Variants in RASGRF2 observed in about 807,000 individuals in gnomAD.
The protein encoded by RASGRF2 is Ras protein specific guanine nucleotide releasing factor 2.
A neutral mutation model predicts 151.0 loss-of-function variants in RASGRF2; 76 were observed. The ratio of observed to expected loss-of-function variants is 0.50; its 90% CI spans 0.42 to 0.61. The LOEUF is 0.61. Ranked by LOEUF, RASGRF2 falls within the 20% of genes least tolerant of loss-of-function variation. The pLI is 0.00. For missense variants in RASGRF2, 1,148 were observed against 1,564.6 expected (o/e 0.73, Z 4.49); for synonymous variants, 504 against 566.5 (o/e 0.89, Z 1.57).
Position 81,112,681 on chromosome 5 carries a change from C to A in RASGRF2, c.1910C>A (p.Pro637His), listed in dbSNP as rs1753030509. 1.2e-6 allele frequency: 2 copies of A among 1,614,066 alleles called. No homozygotes were observed. Among genetic ancestry groups the A allele is most frequent in the Non-Finnish European group, 8.5e-7 (1 of 1,180,042 alleles). Residue 637 changes from proline to histidine, a missense_variant, in exon 14 of 27, where the codon CCC (proline) becomes CAC (histidine). Physicochemically the swap from Pro to His is moderately conservative, Grantham distance 77 (BLOSUM62 -2). Transcript: ENST00000265080. ...AAAACACTCAACTCCTGCAAAGTGC[C>A]CCAGATCCGTTATGCCAGCGTGGAG... ...FSKTLNSCKV[P>H]QIRYASVERL... is the part of the protein sequence containing the mutation.
chr5:81,180,521 C>G (rs1754890142), intron 18 of RASGRF2, among the ~76,000 whole-genome samples: 1 of 152,072 alleles, frequency 6.6e-6, no homozygotes, highest in African/African-American at 2.4e-5. Flanking sequence ...GCTCCTCTGT[C>G]CCTGCAGCTT....
intron 24 of RASGRF2, 137 bp from the exon 25 acceptor site, chr5:81,217,219 T>C: frequency 7.7e-7 from 1 of 1,296,922 alleles, no homozygotes; most frequent in Non-Finnish European, 1.0e-6. Context: ...ATTATGAATA[T>C]GCTTCTGAAA....
Position 80,960,665 on chromosome 5 carries a change from G to C in RASGRF2, c.-74G>C. On this transcript the variant is annotated 5_prime_UTR_variant, in exon 1 of 27. Transcript: ENST00000265080. The surrounding 1 kb of genome is among the most constrained non-coding windows in gnomAD (Gnocchi z 5.5). ...GGGACCTGAGCGGTCGCGCCCTCGA[G>C]GGAGCCAGCTGGGCCATGGCCGCGA... is the stretch of plus-strand genomic sequence containing the variant. 7.8e-7 allele frequency: 1 copy of C among 1,281,718 alleles called. No homozygotes were observed. Among genetic ancestry groups the C allele is most frequent in the Non-Finnish European group, 1.0e-6 (1 of 997,778 alleles). 79.4% of individuals were successfully genotyped at this position (1,281,718 alleles called of 1,614,324 possible).
At chr5:81,015,631 T>C (rs1432995825) in intron 1 of RASGRF2, among the ~76,000 whole-genome samples, 1 of 152,120 alleles carries the variant, frequency 6.6e-6, no homozygotes, top group African/African-American at 2.4e-5. Flanking sequence ...CCTATTGATT[T>C]TGAAAACCTC....
intron 2 of RASGRF2, among the ~76,000 whole-genome samples, chr5:81,047,903 G>C (rs2112406042): frequency 6.6e-6 from 1 of 152,254 alleles, no homozygotes; most frequent in Admixed American, 6.5e-5. Flanking sequence ...CACACACACA[G>C]TGTGGTAGCT....
rs1749475983 is a variant in RASGRF2, at chr5:81,011,927, C to G, written c.289-30950C>G. 2.6e-5 allele frequency among the ~76,000 whole-genome samples: 4 copies of G among 152,186 alleles called. No homozygotes were observed. The South Asian group carries it at 8.3e-4, about 32-fold the overall frequency. On this transcript the variant is annotated intron_variant, in intron 1 of 26. Coordinates refer to ENST00000265080, the MANE Select transcript of RASGRF2 (RefSeq NM_006909.3). ...TTTCTTTTAGAGTAAAGGGTCAGTTCAAAATTGCTCAAAATCTTGCTTTTT... is the reference window on the plus strand; with the variant it reads ...TTTCTTTTAGAGTAAAGGGTCAGTTGAAAATTGCTCAAAATCTTGCTTTTT...
intron 17 of RASGRF2, among the ~76,000 whole-genome samples, chr5:81,144,271 G>A (rs1753953186): frequency 1.3e-5 from 2 of 152,202 alleles, no homozygotes; most frequent in Non-Finnish European, 2.9e-5. Flanking sequence ...GGTGGTGGAA[G>A]TCAGCACAAG....
chr5:81,157,296 C>G (rs1754283297), intron 17 of RASGRF2, among the ~76,000 whole-genome samples: 1 of 148,716 alleles, frequency 6.7e-6, no homozygotes, highest in Non-Finnish European at 1.5e-5. Context: ...CGGGAGGTTG[C>G]AGTGAGCCGA....
At chr5:81,183,783 C>T (rs1327640037) in intron 18 of RASGRF2, among the ~76,000 whole-genome samples, 2 of 152,196 alleles carry the variant, frequency 1.3e-5, no homozygotes, top group Admixed American at 1.3e-4. Flanking sequence ...GTCTCTCCAC[C>T]TCTTCGGGTG....
chr5:81,054,201 G>A (rs1341045512), intron 2 of RASGRF2, among the ~76,000 whole-genome samples: 3 of 152,282 alleles, frequency 2.0e-5, no homozygotes, highest in East Asian at 1.9e-4. Context: ...GTCGTTGCCC[G>A]TGCCTGTGTC....
intron 16 of RASGRF2, among the ~76,000 whole-genome samples, chr5:81,126,606 T>C (rs1192604515): frequency 6.6e-6 from 1 of 152,164 alleles, no homozygotes; most frequent in Non-Finnish European, 1.5e-5. Flanking sequence ...ATCTACTTTC[T>C]CCCTCTATGG....
chr5:80,973,317 A>T (rs1748000509), intron 1 of RASGRF2, among the ~76,000 whole-genome samples: 1 of 152,206 alleles, frequency 6.6e-6, no homozygotes, highest in Non-Finnish European at 1.5e-5. Flanking sequence ...GACAATTCTG[A>T]AAGACAAAAG....
At chr5:81,079,077 C>T (rs1038171359) in intron 5 of RASGRF2, among the ~76,000 whole-genome samples, 8 of 152,184 alleles carry the variant, frequency 5.3e-5, no homozygotes, top group Admixed American at 3.3e-4. Flanking sequence ...CCCCTACTTC[C>T]GCCTTCTGTG....
chr5:81,151,120 A>G (rs950042540), intron 17 of RASGRF2, among the ~76,000 whole-genome samples: 1 of 152,242 alleles, frequency 6.6e-6, no homozygotes, highest in Non-Finnish European at 1.5e-5. Flanking sequence ...ATCTCTGTTT[A>G]CAATTAGCTA....
At chr5:81,174,164 G>A (rs1233203535) in intron 17 of RASGRF2, among the ~76,000 whole-genome samples, 1 of 152,196 alleles carries the variant, frequency 6.6e-6, no homozygotes, top group East Asian at 1.9e-4. Context: ...GAAGAGTAAG[G>A]TGTCCCACCT....
chr5:81,221,729 C>G (rs182809874), intron 26 of RASGRF2, among the ~76,000 whole-genome samples: 55 of 152,230 alleles, frequency 3.6e-4, no homozygotes, highest in Admixed American at 2.7e-3. Flanking sequence ...GTAATCCCAG[C>G]ACTTTGGGAG....
At chr5:81,153,542 C>T (rs948960496) in intron 17 of RASGRF2, among the ~76,000 whole-genome samples, 11 of 152,302 alleles carry the variant, frequency 7.2e-5, no homozygotes, top group African/African-American at 2.6e-4. Context: ...TAGCACCTTG[C>T]TTTTAGCCCA....
chr5:81,069,691 C>A (rs1026670646), intron 3 of RASGRF2, among the ~76,000 whole-genome samples: 3 of 152,164 alleles, frequency 2.0e-5, no homozygotes, highest in African/African-American at 7.2e-5. Context: ...CAGAAAATGG[C>A]AGAGGGGTGT....
In RASGRF2 at chr5:81,205,567, G is replaced by A. The variant is rs10040651; in HGVS notation, c.2907-1278G>A. On this transcript the variant is annotated intron_variant, in intron 19 of 26. Transcript: ENST00000265080. Reference sequence around the variant, plus strand: ...TTGATATTATGTTTTTGAGGGTTGTGGCTGTTGTTTTAATCAACTCAGAAC... The same window carrying A: ...TTGATATTATGTTTTTGAGGGTTGTAGCTGTTGTTTTAATCAACTCAGAAC... Among the ~76,000 whole-genome samples the A allele has an allele frequency of 6.1e-3, 929 of 152,148 alleles. 2 individuals carry two copies. The highest frequency in any genetic ancestry group is 0.011 in the Non-Finnish European group (729 of 67,988).
Sources: allele counts gnomAD v4.1 joint callset (sites outside exome capture counted in the v4.1 genomes callset), GRCh38; gene constraint gnomAD v4.1.1; non-coding constraint Gnocchi (gnomAD v3.1); transcripts MANE v1.5; gene names NCBI Gene and HGNC (gene_info 2026-07-23, HGNC 2026-07-21).